Variants in EPHB1 observed in about 807,000 individuals in gnomAD.
EPHB1 encodes ephrin type-B receptor 1.
Under a neutral mutation model 94.4 loss-of-function variants are expected in EPHB1, and 30 were observed. That is an observed-to-expected ratio of 0.32 (90% confidence interval 0.24 to 0.43). The LOEUF is 0.43. EPHB1 is among the 20% of genes least tolerant of loss of function. The pLI is 1.00. For missense variants in EPHB1, 1,055 were observed against 1,308.3 expected, an observed-to-expected ratio of 0.81 and a Z score of 2.99; for synonymous variants, 522 against 489.1, an observed-to-expected ratio of 1.07 and a Z score of -0.89.
At chr3:134,886,380 A>G (rs1203617049) in intron 1 of EPHB1, among the ~76,000 whole-genome samples, 3 of 152,212 alleles carry the variant, frequency 2.0e-5, no homozygotes, top group Admixed American at 2.0e-4. Context: ...ACCCAGAAGT[A>G]TGCTTTTTGA....
rs541866688 is a variant in EPHB1 at position 135,180,553 on chromosome 3, C to T, written c.1882+571C>T. Among the ~76,000 whole-genome samples, 8 of 152,262 alleles carry T rather than the reference C, an allele frequency of 5.3e-5. No homozygotes were observed. The East Asian group carries it at 9.6e-4, about 18-fold the overall frequency. On this transcript the variant is annotated intron_variant, in intron 10 of 15. Coordinates refer to ENST00000398015, the MANE Select transcript of EPHB1 (RefSeq NM_004441.5). ...TGGTACAGCTGGTAACAACACAAGA[C>T]GAATTTCACTCTCAAGAAATGTGTG... is the stretch of plus-strand genomic sequence containing the variant.
chr3:135,031,392 T>C (rs1347369822), intron 3 of EPHB1, among the ~76,000 whole-genome samples: 2 of 152,160 alleles, frequency 1.3e-5, no homozygotes, highest in Non-Finnish European at 2.9e-5. Flanking sequence ...TCACTGCAAC[T>C]TCTGCCTCCT....
chr3:134,850,910 A>C (rs935147222), intron 1 of EPHB1, among the ~76,000 whole-genome samples: 14 of 152,366 alleles, frequency 9.2e-5, no homozygotes, highest in Middle Eastern at 3.4e-3. Context: ...GGGGGCATTC[A>C]TCTGCTTCCC....
intron 1 of EPHB1, among the ~76,000 whole-genome samples, chr3:134,849,722 C>G (rs1560261742): frequency 6.6e-6 from 1 of 152,206 alleles, no homozygotes; most frequent in African/African-American, 2.4e-5. Flanking sequence ...TTTGTGCCAG[C>G]TAGACAGTGG....
intron 3 of EPHB1, among the ~76,000 whole-genome samples, chr3:134,979,534 T>C (rs771349771): frequency 6.6e-6 from 1 of 152,226 alleles, no homozygotes; most frequent in Non-Finnish European, 1.5e-5. Flanking sequence ...TGTACAGGGC[T>C]AAGCAAGTTA....
intron 12 of EPHB1, among the ~76,000 whole-genome samples, chr3:135,240,829 C>T (rs1418934263): frequency 6.6e-6 from 1 of 152,152 alleles, no homozygotes; most frequent in East Asian, 1.9e-4. Context: ...CAGGTAGTTC[C>T]AGTGAGTTTT....
In EPHB1 at chr3:134,848,991, C is replaced by G. The variant is rs1411196326; in HGVS notation, c.58+53302C>G. On this transcript the variant is annotated intron_variant, in intron 1 of 15. Coordinates refer to ENST00000398015, the MANE Select transcript of EPHB1 (RefSeq NM_004441.5). ...TGCCAAAAGGCAGGCAAGACTCAGC[C>G]TTGTCCTGTGAAGATCACACCTACG... 7.2e-5 allele frequency among the ~76,000 whole-genome samples: 11 copies of G among 152,196 alleles called. No homozygotes were observed. In the East Asian group the frequency reaches 2.1e-3, roughly 29 times the overall value.
At chr3:134,805,585 A>T (rs1455450117) in intron 1 of EPHB1, among the ~76,000 whole-genome samples, 1 of 152,060 alleles carries the variant, frequency 6.6e-6, no homozygotes, top group Non-Finnish European at 1.5e-5. Flanking sequence ...CCACACAGGT[A>T]CATGTGTACA....
intron 3 of EPHB1, among the ~76,000 whole-genome samples, chr3:135,071,967 C>T (rs1361255741): frequency 6.6e-6 from 1 of 152,206 alleles, no homozygotes; most frequent in African/African-American, 2.4e-5. Flanking sequence ...CAGCCCTGCC[C>T]CCAGTCCCCC....
intron 3 of EPHB1, among the ~76,000 whole-genome samples, chr3:134,967,541 A>G (rs1301428821): frequency 4.6e-5 from 7 of 152,054 alleles, no homozygotes; most frequent in East Asian, 1.9e-4. Context: ...TTATATTACA[A>G]TGGTTGTATT....
chr3:134,802,536 G>C (rs12490896), intron 1 of EPHB1, among the ~76,000 whole-genome samples: 20,785 of 152,044 alleles, frequency 0.14, 3,587 homozygotes, highest in African/African-American at 0.4. Flanking sequence ...CCAATATCAA[G>C]AAGGCTAAGT....
At chr3:135,062,701 C>T (rs1338994314) in intron 3 of EPHB1, among the ~76,000 whole-genome samples, 1 of 152,116 alleles carries the variant, frequency 6.6e-6, no homozygotes, top group Non-Finnish European at 1.5e-5. Flanking sequence ...TAAGTCCCAG[C>T]TATTTATCTT....
intron 3 of EPHB1, among the ~76,000 whole-genome samples, chr3:135,059,946 T>C (rs1559814040): frequency 6.6e-6 from 1 of 152,182 alleles, no homozygotes; most frequent in Non-Finnish European, 1.5e-5. Context: ...GCCAGCACTG[T>C]AGATTAGCAA....
intron 9 of EPHB1, among the ~76,000 whole-genome samples, chr3:135,173,136 G>A (rs899594529): frequency 2.7e-5 from 4 of 149,378 alleles, no homozygotes; most frequent in Admixed American, 6.7e-5. Context: ...CCGGGTTCAC[G>A]CCATTCTCCT....
At chr3:134,824,163 T>C in intron 1 of EPHB1, among the ~76,000 whole-genome samples, 1 of 139,084 alleles carries the variant, frequency 7.2e-6, no homozygotes, top group Non-Finnish European at 1.5e-5. Flanking sequence ...TAATCCTAGC[T>C]CTTGCACTTG....
intron 1 of EPHB1, among the ~76,000 whole-genome samples, chr3:134,866,137 G>A (rs997660900): frequency 7.2e-5 from 11 of 152,220 alleles, no homozygotes; most frequent in Non-Finnish European, 4.4e-5. Context: ...TGAGTCCCAG[G>A]GAAGGTCAGC....
intron 9 of EPHB1, among the ~76,000 whole-genome samples, chr3:135,175,640 T>G (rs1227609465): frequency 6.6e-6 from 1 of 152,166 alleles, no homozygotes; most frequent in East Asian, 1.9e-4. Context: ...TAACCTATGA[T>G]GACAATAATT....
intron 1 of EPHB1, among the ~76,000 whole-genome samples, chr3:134,855,400 A>G (rs2037090992): frequency 6.6e-6 from 1 of 152,186 alleles, no homozygotes; most frequent in African/African-American, 2.4e-5. Flanking sequence ...TTTCAGACAC[A>G]CTGGAGAGAA....
At chr3:135,167,857 T>C (rs1237031481) in intron 9 of EPHB1, among the ~76,000 whole-genome samples, 1 of 152,188 alleles carries the variant, frequency 6.6e-6, no homozygotes, top group Non-Finnish European at 1.5e-5. Flanking sequence ...CTCAACCCCC[T>C]TGTTGCAAAG....
Sources: gnomAD v4.1 joint callset for allele counts (sites outside exome capture counted in the v4.1 genomes callset) on GRCh38, gnomAD v4.1.1 for gene constraint, MANE v1.5 for transcripts, NCBI Gene and HGNC (gene_info 2026-07-23, HGNC 2026-07-21) for gene names.